The following LINGO2 variants were observed in gnomAD, a reference collection of about 807,000 sequenced individuals.
The protein encoded by LINGO2 is leucine-rich repeat and immunoglobulin-like domain-containing nogo receptor-interacting protein 2.
A neutral mutation model predicts 30.6 loss-of-function variants in LINGO2; 14 were observed. The ratio of observed to expected loss-of-function variants is 0.46; its 90% confidence interval spans 0.30 to 0.72. The LOEUF (loss-of-function observed/expected upper bound fraction) is 0.72, where lower values mean the gene tolerates loss of function less well. Ranked by LOEUF, LINGO2 falls within the 30% of genes least tolerant of loss-of-function variation. The pLI is 0.07. For synonymous variants in LINGO2, 317 were observed against 288.5 expected (o/e 1.10, Z -1.00); for missense variants, 729 against 751.7 (o/e 0.97, Z 0.35).
the LINGO2 span, among the ~76,000 whole-genome samples, chr9:28,830,770 ACACG>A: frequency 1.4e-5 from 2 of 144,384 alleles, no homozygotes; most frequent in Admixed American, 6.9e-5. Context: ...ACACACACAC[ACACG>A]TGTACATGCT....
At chr9:27,978,611 G>T (rs1820716264) in intron 5 of LINGO2, among the ~76,000 whole-genome samples, 1 of 151,960 alleles carries the variant, frequency 6.6e-6, no homozygotes, top group Non-Finnish European at 1.5e-5. Context: ...CTTCATGAAG[G>T]TCTTCCTACT....
At chr9:28,428,357 C>A (rs1823498461) in intron 2 of LINGO2, among the ~76,000 whole-genome samples, 1 of 152,150 alleles carries the variant, frequency 6.6e-6, no homozygotes, top group Non-Finnish European at 1.5e-5. Context: ...GAAAGGGGAT[C>A]TTGCCTGCCT....
At chr9:28,562,927 A>T (rs756377290) in intron 1 of LINGO2, among the ~76,000 whole-genome samples, 1 of 151,968 alleles carries the variant, frequency 6.6e-6, no homozygotes, top group South Asian at 2.1e-4. Context: ...GCTCACTGCA[A>T]ACTCCATCTC....
the LINGO2 span, among the ~76,000 whole-genome samples, chr9:28,871,724 G>C: frequency 6.6e-6 from 1 of 151,866 alleles, no homozygotes; most frequent in African/African-American, 2.4e-5. Context: ...CATAAGGAGT[G>C]AAATAAGCAT....
chr9:28,506,499 C>T (rs371940183), intron 1 of LINGO2, among the ~76,000 whole-genome samples: 13,779 of 80,792 alleles, frequency 0.17, 3,131 homozygotes, highest in Middle Eastern at 0.27. Flanking sequence ...CACACACACA[C>T]ACAGACATAT....
chr9:29,113,489 T>C, the LINGO2 span, among the ~76,000 whole-genome samples: 7,214 of 152,234 alleles, frequency 0.047, 241 homozygotes, highest in East Asian at 0.1. Flanking sequence ...ATCTTGTTTG[T>C]GCCCTAATTG....
At chr9:28,847,939 A>G in the LINGO2 span, among the ~76,000 whole-genome samples, 1 of 103,826 alleles carries the variant, frequency 9.6e-6, no homozygotes, top group Non-Finnish European at 2.0e-5. Flanking sequence ...ATACAAATAT[A>G]TATGTATGCA....
chr9:28,309,306 C>A (rs577356545), intron 3 of LINGO2, among the ~76,000 whole-genome samples: 8 of 151,910 alleles, frequency 5.3e-5, no homozygotes, highest in African/African-American at 1.4e-4. Context: ...ATTGGAAATC[C>A]TCATTCTCAG....
At chr9:28,463,869 C>G (rs555371466) in intron 2 of LINGO2, among the ~76,000 whole-genome samples, 1 of 152,022 alleles carries the variant, frequency 6.6e-6, no homozygotes, top group Non-Finnish European at 1.5e-5. Flanking sequence ...ATTTAAAGCA[C>G]CTTGTATTCA....
chr9:28,287,569 G>A (rs1353781541), intron 4 of LINGO2, among the ~76,000 whole-genome samples: 1 of 152,164 alleles, frequency 6.6e-6, no homozygotes, highest in Non-Finnish European at 1.5e-5. Context: ...TTGCTTTCTA[G>A]CCATAAAAAT....
the LINGO2 span, among the ~76,000 whole-genome samples, chr9:28,832,236 T>C: frequency 6.6e-6 from 1 of 152,194 alleles, no homozygotes; most frequent in Non-Finnish European, 1.5e-5. Flanking sequence ...TATTACCATT[T>C]CCTTTCATAT....
chr9:28,973,469 C>A, the LINGO2 span, among the ~76,000 whole-genome samples: 3 of 152,126 alleles, frequency 2.0e-5, no homozygotes, highest in African/African-American at 7.2e-5. Flanking sequence ...ATAATTGAAT[C>A]ATGGGGGTAG....
At chr9:28,303,614 T>C (rs1193651521) in intron 3 of LINGO2, among the ~76,000 whole-genome samples, 1 of 152,204 alleles carries the variant, frequency 6.6e-6, no homozygotes, top group African/African-American at 2.4e-5. Context: ...ACGTGTTTTG[T>C]GTGCTCTATT....
At chr9:28,656,282 A>T (rs1828333710) in intron 1 of LINGO2, among the ~76,000 whole-genome samples, 1 of 152,138 alleles carries the variant, frequency 6.6e-6, no homozygotes, top group Non-Finnish European at 1.5e-5. Flanking sequence ...ACATAGTCTC[A>T]AAGTGCGTTA....
intron 4 of LINGO2, among the ~76,000 whole-genome samples, chr9:28,232,686 T>A (rs10968398): frequency 0.38 from 57,692 of 151,506 alleles, 11,485 homozygotes; most frequent in African/African-American, 0.48. Context: ...GCAGTCATTA[T>A]TCTGTACAGT....
chr9:28,882,706 A>G, the LINGO2 span, among the ~76,000 whole-genome samples: 17 of 152,250 alleles, frequency 1.1e-4, 1 homozygote, highest in East Asian at 2.7e-3. Flanking sequence ...CTCGTGGACC[A>G]CACTGACACA....
intron 1 of LINGO2, among the ~76,000 whole-genome samples, chr9:28,532,840 T>C (rs139268835): frequency 6.6e-6 from 1 of 152,108 alleles, no homozygotes; most frequent in East Asian, 1.9e-4. Flanking sequence ...TGGGTTTTCT[T>C]TTCTATTATA....
At chr9:28,574,263 T>A (rs1270858533) in intron 1 of LINGO2, among the ~76,000 whole-genome samples, 1 of 152,176 alleles carries the variant, frequency 6.6e-6, no homozygotes, top group Non-Finnish European at 1.5e-5. Context: ...AAATTTAACA[T>A]TTGCAATAAT....
At chr9:28,812,881 C>A in the LINGO2 span, among the ~76,000 whole-genome samples, 2 of 152,110 alleles carry the variant, frequency 1.3e-5, no homozygotes, top group African/African-American at 4.8e-5. Flanking sequence ...TCTGCAGCAC[C>A]TGTGTGTCAC....
Sources: gnomAD v4.1 joint callset for allele counts (sites outside exome capture counted in the v4.1 genomes callset) on GRCh38, gnomAD v4.1.1 for gene constraint, MANE v1.5 for transcripts, NCBI Gene and HGNC (gene_info 2026-07-23, HGNC 2026-07-21) for gene names.